FBXL2: variants seen among roughly 807,000 people sequenced by gnomAD.
FBXL2 encodes F-box and leucine rich repeat protein 2, also known as F-box/LRR-repeat protein 2.
A neutral mutation model predicts 69.2 loss-of-function variants in FBXL2; 38 were observed. The ratio of observed to expected loss-of-function variants is 0.55; its 90% CI spans 0.42 to 0.72. The LOEUF is 0.72. Among genes scored for constraint, FBXL2 ranks in the 30% least tolerant of loss-of-function variants. FBXL2 has a pLI of 0.00. For missense variants in FBXL2, 354 were observed against 520.3 expected (o/e 0.68, Z 3.11); for synonymous variants, 192 against 201.3 (o/e 0.95, Z 0.39).
chr3:33,349,961 A>G (rs975453085), intron 2 of FBXL2, among the ~76,000 whole-genome samples: 4 of 152,202 alleles, frequency 2.6e-5, no homozygotes, highest in Admixed American at 6.5e-5. Context: ...GAATTCTACC[A>G]AACATTTAAG....
rs2033386422 is a variant in FBXL2 at position 33,277,467 on chromosome 3, G to A, written c.-46G>A. 2 of 1,271,922 alleles carry A rather than the reference G, an allele frequency of 1.6e-6. No individual in the cohort carries two copies. Among genetic ancestry groups the A allele is most frequent in the Middle Eastern group, 2.1e-4 (1 of 4,832 alleles). The allele number at this position is 1,271,922 out of a possible 1,614,324, so 78.8% of individuals were successfully genotyped here. A position where few individuals can be genotyped will look rare whatever the true frequency, so the allele number is the denominator to read the frequency against. On this transcript the variant is annotated 5_prime_UTR_variant, in exon 1 of 15. Transcript: ENST00000484457. ...GTCACCAGGACAACGGGCGTCGCCG[G>A]CGCCGTGTGACTTCGGGCTGTGGGC... is the stretch of plus-strand genomic sequence containing the variant.
In FBXL2 at chr3:33,387,317, T is replaced by A. The variant is rs1454865385; in HGVS notation, c.*1709T>A. 1 of 152,152 alleles carries A rather than the reference T, an allele frequency of 6.6e-6. No individual in the cohort carries two copies. Among genetic ancestry groups the A allele is most frequent in the Non-Finnish European group, 1.5e-5 (1 of 68,030 alleles). The allele number at this position is 152,152 out of a possible 1,614,324, so 9.4% of individuals were successfully genotyped here. ...TAGTTTCTATTAAAAAAAATTAACT[T>A]AAGGCTGGCCACGGTGGTTCATGCC... is the stretch of plus-strand genomic sequence containing the variant. On this transcript the variant is annotated 3_prime_UTR_variant, in exon 15 of 15. Coordinates refer to ENST00000484457, the MANE Select transcript of FBXL2 (RefSeq NM_012157.5).
chr3:33,278,892 A>G (rs182518236), intron 1 of FBXL2, among the ~76,000 whole-genome samples: 7 of 152,304 alleles, frequency 4.6e-5, no homozygotes, highest in Admixed American at 3.3e-4. Context: ...AGCCCTAACA[A>G]TTGTAGCAAG....
At position 33,402,093 on chromosome 3, in the gene FBXL2, T is replaced by C. The variant is rs148462730; in HGVS notation, n.1215-1141T>C. ...TTTTTCTTTGTGATCTTAGCTTTCA[T>C]AATTTTCCTCCCCAACAAGAAACTT... is the stretch of plus-strand genomic sequence containing the variant. On this transcript the variant is annotated intron_variant and non_coding_transcript_variant, in intron 12 of 12. Transcript: ENST00000463736. Among the ~76,000 whole-genome samples the C allele has an allele frequency of 7.2e-5, 11 of 152,330 alleles. No individual in the cohort carries two copies. The East Asian group carries it at 2.1e-3, about 29-fold the overall frequency.
intron 1 of FBXL2, among the ~76,000 whole-genome samples, chr3:33,279,366 G>A (rs1410393440): frequency 6.6e-6 from 1 of 152,100 alleles, no homozygotes; most frequent in African/African-American, 2.4e-5. Flanking sequence ...CGCCTCCCGG[G>A]TACACGCCAT....
intron 2 of FBXL2, among the ~76,000 whole-genome samples, chr3:33,341,551 C>G (rs1469204158): frequency 1.3e-5 from 2 of 151,494 alleles, no homozygotes; most frequent in African/African-American, 4.9e-5. Flanking sequence ...CATGTGGGGC[C>G]CAGCATGGTG....
At chr3:33,303,953 T>C (rs1293700996) in intron 2 of FBXL2, among the ~76,000 whole-genome samples, 1 of 151,856 alleles carries the variant, frequency 6.6e-6, no homozygotes, top group African/African-American at 2.4e-5. Flanking sequence ...ATATTAGGTT[T>C]TGGCAAGGAG....
intron 2 of FBXL2, among the ~76,000 whole-genome samples, chr3:33,327,445 A>C (rs2038788133): frequency 6.6e-6 from 1 of 152,136 alleles, no homozygotes; most frequent in Non-Finnish European, 1.5e-5. Flanking sequence ...AAAATCCCTC[A>C]TAGGTTTTAT....
chr3:33,321,692 T>C, intron 2 of FBXL2, among the ~76,000 whole-genome samples: 1 of 152,224 alleles, frequency 6.6e-6, no homozygotes, highest in East Asian at 1.9e-4. Flanking sequence ...GTATAGCCTA[T>C]TGCATATCTA....
At chr3:33,393,739 A>G (rs891383035) in intron 12 of FBXL2, among the ~76,000 whole-genome samples, 3 of 152,180 alleles carry the variant, frequency 2.0e-5, no homozygotes, top group East Asian at 3.9e-4. Flanking sequence ...ATTTTTCTTC[A>G]TATTTTTATT....
intron 2 of FBXL2, among the ~76,000 whole-genome samples, chr3:33,328,811 G>GTGTC (rs1323381679): frequency 1.3e-5 from 2 of 151,574 alleles, no homozygotes; most frequent in Non-Finnish European, 2.9e-5. Context: ...ATGTGTGTGT[G>GTGTC]TGTGTGTGTG....
chr3:33,392,712 G>A (rs771867610), downstream of FBXL2: 9 of 1,129,726 alleles, frequency 8.0e-6, no homozygotes, highest in Non-Finnish European at 1.1e-5. Flanking sequence ...AACAAACACA[G>A]GACTCAATGG....
At chr3:33,400,152 C>A in intron 12 of FBXL2, 1 of 1,298,182 alleles carries the variant, frequency 7.7e-7, no homozygotes, top group Non-Finnish European at 1.0e-6. Context: ...AAAAACAAAA[C>A]ATTCTCATGC....
chr3:33,394,512 C>CCACA (rs1359596451), intron 12 of FBXL2, among the ~76,000 whole-genome samples: 2 of 134,082 alleles, frequency 1.5e-5, no homozygotes, highest in African/African-American at 6.0e-5. Context: ...AAAGCCCCAG[C>CCACA]CACATTCCAG....
chr3:33,321,516 CATT>C (rs1231667961), intron 2 of FBXL2, among the ~76,000 whole-genome samples: 1 of 152,254 alleles, frequency 6.6e-6, no homozygotes, highest in African/African-American at 2.4e-5. Context: ...AGAAATGTGA[CATT>C]ATCCACAGTT....
chr3:33,384,223 C>G lies in FBXL2; in HGVS notation c.1164+22C>G, dbSNP rs202050112. 61 of 1,605,452 alleles carry G rather than the reference C, an allele frequency of 3.8e-5. No homozygotes were observed. In the Admixed American group the frequency reaches 7.8e-4, roughly 21 times the overall value. The stretch of plus-strand genomic sequence containing the variant: ...GCGGGTAGGTATGGGGCAGGGGAGT[C>G]AGTCACACCTGACATTTCTAAGCAC... On this transcript the variant is annotated intron_variant, in intron 14 of 14. Coordinates refer to ENST00000484457, the MANE Select transcript of FBXL2 (RefSeq NM_012157.5).
Position 33,375,433 on chromosome 3 carries a change from C to G in FBXL2, c.788+15C>G. The G allele has an allele frequency of 6.2e-7, 1 of 1,607,184 alleles. No individual in the cohort carries two copies. On this transcript the variant is annotated intron_variant, in intron 10 of 14. Coordinates refer to ENST00000484457, the MANE Select transcript of FBXL2 (RefSeq NM_012157.5). ...CCGCGACTGCAGTGAGTACACTGCA[C>G]TTTTTGCTTTGCAGCTCAGAGTTTG... is the stretch of plus-strand genomic sequence containing the variant.
At chr3:33,404,276 G>C (rs1358302979), downstream of FBXL2, among the ~76,000 whole-genome samples, 1 of 152,086 alleles carries the variant, frequency 6.6e-6, no homozygotes, top group African/African-American at 2.4e-5. Context: ...GCTGGGCGTA[G>C]TGGCGTGTGC....
chr3:33,320,719 T>TC (rs2038126724), intron 2 of FBXL2, among the ~76,000 whole-genome samples: 2 of 152,106 alleles, frequency 1.3e-5, no homozygotes, highest in Admixed American at 1.3e-4. Flanking sequence ...GACCTGGTGA[T>TC]CCACCTTCCT....
Sources: allele counts gnomAD v4.1 joint callset (sites outside exome capture counted in the v4.1 genomes callset), GRCh38; gene constraint gnomAD v4.1.1; transcripts MANE v1.5; gene names NCBI Gene and HGNC (gene_info 2026-07-23, HGNC 2026-07-21).